Variants in EXOC4 observed in about 807,000 individuals in gnomAD.
EXOC4 encodes exocyst complex component 4, also known as SEC8-like 1.
Under a neutral mutation model 107.2 loss-of-function variants are expected in EXOC4, and 71 were observed. The ratio of observed to expected loss-of-function variants is 0.66; its 90% CI spans 0.55 to 0.81. The LOEUF (loss-of-function observed/expected upper bound fraction) is 0.81. Among genes scored for constraint, EXOC4 ranks in the 30% least tolerant of loss-of-function variants. The pLI, the probability that EXOC4 is intolerant of heterozygous loss-of-function variation, is 0.00. For missense variants in EXOC4, 1,108 were observed against 1,189.6 expected, an observed-to-expected ratio of 0.93 and a Z score of 1.01; for synonymous variants, 456 against 441.2, an observed-to-expected ratio of 1.03 and a Z score of -0.42.
chr7:133,729,293 T>C (rs1008347599), intron 10 of EXOC4, among the ~76,000 whole-genome samples: 6 of 152,182 alleles, frequency 3.9e-5, no homozygotes, highest in African/African-American at 1.4e-4. Flanking sequence ...AAATATATAA[T>C]TATGCCATTT....
intron 11 of EXOC4, among the ~76,000 whole-genome samples, chr7:133,885,046 T>G (rs572279379): frequency 5.2e-4 from 79 of 152,294 alleles, no homozygotes; most frequent in Non-Finnish European, 8.5e-4. Context: ...CCAGGCGCAG[T>G]GGCTCACGCC....
intron 10 of EXOC4, among the ~76,000 whole-genome samples, chr7:133,636,840 AC>A (rs1802724162): frequency 6.6e-6 from 1 of 152,202 alleles, no homozygotes; most frequent in African/African-American, 2.4e-5. Flanking sequence ...AAGAAGATGA[AC>A]CTCTCTTGGC....
chr7:133,937,615 A>G (rs1800333596), intron 13 of EXOC4, among the ~76,000 whole-genome samples: 1 of 152,210 alleles, frequency 6.6e-6, no homozygotes, highest in Non-Finnish European at 1.5e-5. Context: ...CGCCATCCCC[A>G]GGAACCGTCA....
downstream of EXOC4, among the ~76,000 whole-genome samples, chr7:134,069,962 C>G (rs145741330): frequency 5.9e-5 from 9 of 152,328 alleles, no homozygotes; most frequent in African/African-American, 2.2e-4. Context: ...TCATTTCATT[C>G]AGGGCAGATG....
intron 9 of EXOC4, among the ~76,000 whole-genome samples, chr7:133,510,731 G>A (rs1799752786): frequency 6.6e-6 from 1 of 152,176 alleles, no homozygotes; most frequent in African/African-American, 2.4e-5. Flanking sequence ...TGGTGATAGT[G>A]GGACCCACAG....
chr7:133,376,525 G>GA (rs542845201), intron 7 of EXOC4, among the ~76,000 whole-genome samples: 70 of 152,234 alleles, frequency 4.6e-4, no homozygotes, highest in Non-Finnish European at 7.4e-4. Context: ...AGTCAGCTGA[G>GA]AAAAAAGAAC....
At chr7:134,012,067 A>G (rs536795660) in intron 17 of EXOC4, among the ~76,000 whole-genome samples, 5 of 152,300 alleles carry the variant, frequency 3.3e-5, no homozygotes, top group Non-Finnish European at 5.9e-5. Context: ...GCAGGGGAAG[A>G]GTAAGAGATG....
chr7:133,827,993 G>A lies in EXOC4; in HGVS notation c.1734+10449G>A, dbSNP rs534554208. On this transcript the variant is annotated intron_variant, in intron 11 of 17. Transcript: ENST00000253861. ...TCATGAGTAAAGGAGCCCCACTGAT[G>A]GTCGTCTTAGTTGTCACCTAGACTG... Among the ~76,000 whole-genome samples, 11 of 152,250 alleles carry A rather than the reference G, an allele frequency of 7.2e-5. 1 individual carries two copies. The South Asian group carries it at 2.3e-3, about 32-fold the overall frequency.
downstream of EXOC4, among the ~76,000 whole-genome samples, chr7:134,070,620 A>G (rs1796261301): frequency 6.6e-6 from 1 of 152,178 alleles, no homozygotes; most frequent in Non-Finnish European, 1.5e-5. Context: ...AGGCTGCTTT[A>G]ACATGTCTGG....
chr7:133,859,908 G>A (rs1369895864), intron 11 of EXOC4, among the ~76,000 whole-genome samples: 3 of 152,130 alleles, frequency 2.0e-5, no homozygotes, highest in Non-Finnish European at 4.4e-5. Context: ...GCTCTTTAAA[G>A]TGCAGGAAAT....
chr7:133,349,822 C>G (rs1392477673), intron 5 of EXOC4, among the ~76,000 whole-genome samples: 1 of 151,942 alleles, frequency 6.6e-6, no homozygotes, highest in Non-Finnish European at 1.5e-5. Flanking sequence ...ACATCCTTGC[C>G]AACTCTTGCT....
At chr7:133,794,085 G>T (rs1481279473) in intron 10 of EXOC4, among the ~76,000 whole-genome samples, 1 of 152,070 alleles carries the variant, frequency 6.6e-6, no homozygotes. Context: ...GAAGAGGTAG[G>T]TTCAAGGACC....
At chr7:133,871,602 C>G (rs1301366486) in intron 11 of EXOC4, among the ~76,000 whole-genome samples, 1 of 152,122 alleles carries the variant, frequency 6.6e-6, no homozygotes, top group African/African-American at 2.4e-5. Context: ...CTTTCTCATC[C>G]CCAATGATTC....
intron 1 of EXOC4, among the ~76,000 whole-genome samples, chr7:133,263,078 C>T (rs1314205662): frequency 2.0e-5 from 3 of 152,164 alleles, no homozygotes; most frequent in Admixed American, 6.5e-5. Context: ...GCTCCTCATT[C>T]GCCTTCTGCC....
intron 9 of EXOC4, among the ~76,000 whole-genome samples, chr7:133,605,639 CAG>C (rs1801925655): frequency 1.3e-5 from 2 of 152,106 alleles, no homozygotes; most frequent in African/African-American, 4.8e-5. Context: ...GCAGGTGGGT[CAG>C]AGTTTGTTTT....
intron 9 of EXOC4, among the ~76,000 whole-genome samples, chr7:133,542,111 C>T (rs1800391819): frequency 6.6e-6 from 1 of 151,646 alleles, no homozygotes; most frequent in Admixed American, 6.6e-5. Flanking sequence ...TGAAGATTCA[C>T]TGAAAATTCA....
chr7:133,837,406 A>G (rs1168843150), intron 11 of EXOC4, among the ~76,000 whole-genome samples: 1 of 152,208 alleles, frequency 6.6e-6, no homozygotes, highest in Non-Finnish European at 1.5e-5. Context: ...ACCATAAAAT[A>G]GCAGCCACAT....
chr7:133,640,188 T>C (rs1802819077), intron 10 of EXOC4, among the ~76,000 whole-genome samples: 1 of 152,172 alleles, frequency 6.6e-6, no homozygotes, highest in Non-Finnish European at 1.5e-5. Context: ...GACTTGCTTA[T>C]ATTGACAGTC....
At chr7:134,020,935 G>A (rs1300326421) in intron 17 of EXOC4, among the ~76,000 whole-genome samples, 6 of 151,236 alleles carry the variant, frequency 4.0e-5, no homozygotes, top group Non-Finnish European at 7.4e-5. Context: ...GCAGTGAGCC[G>A]AGATTGCACC....
Sources: allele counts gnomAD v4.1 joint callset (sites outside exome capture counted in the v4.1 genomes callset), GRCh38; gene constraint gnomAD v4.1.1; transcripts MANE v1.5; gene names NCBI Gene and HGNC (gene_info 2026-07-23, HGNC 2026-07-21).